TENM3: variants seen among roughly 807,000 people sequenced by gnomAD.
TENM3 encodes the protein teneurin-3.
Under a neutral mutation model 255.1 loss-of-function variants are expected in TENM3, and 63 were observed. That is an observed-to-expected ratio of 0.25 (90% CI 0.20 to 0.30). The LOEUF (loss-of-function observed/expected upper bound fraction) is 0.30, where lower values mean the gene tolerates loss of function less well. Among genes scored for constraint, TENM3 ranks in the 10% least tolerant of loss-of-function variants. TENM3 has a pLI of 1.00. For missense variants in TENM3, 2,929 were observed against 3,461.1 expected (o/e 0.85, Z 3.86); for synonymous variants, 1,306 against 1,322.3 (o/e 0.99, Z 0.27).
At chr4:181,964,879 T>C in the TENM3 span, among the ~76,000 whole-genome samples, 1 of 152,074 alleles carries the variant, frequency 6.6e-6, no homozygotes, top group African/African-American at 2.4e-5. Flanking sequence ...TCCAGGAGTG[T>C]CTATTTGGAA....
intron 1 of TENM3, among the ~76,000 whole-genome samples, chr4:182,223,524 C>T (rs1179237322): frequency 6.6e-6 from 1 of 152,126 alleles, no homozygotes; most frequent in Non-Finnish European, 1.5e-5. Flanking sequence ...TACATGCTTA[C>T]ACCTTACAGT....
the TENM3 span, among the ~76,000 whole-genome samples, chr4:182,027,778 C>A: frequency 6.6e-6 from 1 of 151,778 alleles, no homozygotes; most frequent in African/African-American, 2.4e-5. Context: ...GATTGATGTG[C>A]ATATGCTGAG....
rs1364506202 is a variant in TENM3, at chr4:182,799,386, G to A, written c.7345-210G>A. Reference sequence around the variant, plus strand: ...CTTTAAAGTGATCCACGATGAGTGAGCCATTTGGGGGTTCCAGAGCATCGG... The same window carrying A: ...CTTTAAAGTGATCCACGATGAGTGAACCATTTGGGGGTTCCAGAGCATCGG... On this transcript the variant is annotated intron_variant, in intron 27 of 27. Transcript: ENST00000511685. The surrounding 1 kb of genome is among the most constrained non-coding windows in gnomAD (Gnocchi z 4.2). Among the ~76,000 whole-genome samples the A allele has an allele frequency of 6.6e-6, 1 of 152,206 alleles. No individual in the cohort carries two copies. Among genetic ancestry groups the A allele is most frequent in the East Asian group, 1.9e-4 (1 of 5,184 alleles).
the TENM3 span, among the ~76,000 whole-genome samples, chr4:181,897,732 G>GACACA: frequency 4.6e-5 from 7 of 152,172 alleles, no homozygotes; most frequent in Non-Finnish European, 8.8e-5. Context: ...CAGTTTTTAT[G>GACACA]CTGGCCAGTG....
At chr4:182,228,556 G>C (rs1756352298) in intron 1 of TENM3, among the ~76,000 whole-genome samples, 1 of 151,836 alleles carries the variant, frequency 6.6e-6, no homozygotes, top group Non-Finnish European at 1.5e-5. Flanking sequence ...CCGGTTCAAA[G>C]AGGAGCATGA....
chr4:181,671,257 T>A, the TENM3 span, among the ~76,000 whole-genome samples: 2 of 152,150 alleles, frequency 1.3e-5, no homozygotes, highest in Admixed American at 1.3e-4. Flanking sequence ...CTAAAGTTTG[T>A]CATGAATAAA....
chr4:182,053,988 C>T, the TENM3 span, among the ~76,000 whole-genome samples: 3 of 152,270 alleles, frequency 2.0e-5, no homozygotes, highest in East Asian at 1.9e-4. Flanking sequence ...AGGTTGAAGA[C>T]ATAAGATGAT....
the TENM3 span, among the ~76,000 whole-genome samples, chr4:181,935,700 A>G: frequency 6.6e-6 from 1 of 152,060 alleles, no homozygotes; most frequent in African/African-American, 2.4e-5. Context: ...AGGCCTTCCA[A>G]ACTTACCTCC....
the TENM3 span, among the ~76,000 whole-genome samples, chr4:181,586,735 G>A: frequency 1.3e-4 from 20 of 152,220 alleles, no homozygotes; most frequent in East Asian, 3.3e-3. Flanking sequence ...AGCTACTCGG[G>A]AGGCCAAGGC....
At chr4:182,601,186 G>A (rs1747813774) in intron 4 of TENM3, 25 bp downstream of exon 4, 1 of 1,585,144 alleles carries the variant, frequency 6.3e-7, no homozygotes, top group African/African-American at 1.3e-5. Context: ...TTCAAAATAA[G>A]CTAGCCCAAC....
the TENM3 span, among the ~76,000 whole-genome samples, chr4:181,567,516 T>A: frequency 6.6e-6 from 1 of 152,208 alleles, no homozygotes. Flanking sequence ...TAAGCAATAC[T>A]AACTTTCCTC....
At chr4:181,571,543 G>T in the TENM3 span, among the ~76,000 whole-genome samples, 12 of 152,064 alleles carry the variant, frequency 7.9e-5, no homozygotes, top group African/African-American at 2.9e-4. Context: ...TCTCCATATT[G>T]CCCAGGCTGG....
the TENM3 span, among the ~76,000 whole-genome samples, chr4:181,806,312 C>T: frequency 2.0e-5 from 3 of 152,186 alleles, no homozygotes; most frequent in Non-Finnish European, 4.4e-5. Context: ...TTGAGACAGA[C>T]TGGATCTTAA....
rs571603610 is a variant in TENM3 at position 182,346,440 on chromosome 4, G to T, written c.233-211G>T. 1.1e-3 allele frequency among the ~76,000 whole-genome samples: 163 copies of T among 152,176 alleles called. 2 individuals carry two copies. Among genetic ancestry groups the T allele is most frequent in the African/African-American group, 3.9e-3 (162 of 41,520 alleles). On this transcript the variant is annotated intron_variant, in intron 2 of 27. Transcript: ENST00000511685. ...ATGGGCTTAAAGAGTTGACAAAGGA[G>T]CTCTAAGTTGGGGCCCCGCCCTCCT...
chr4:181,717,897 C>T, the TENM3 span, among the ~76,000 whole-genome samples: 10 of 152,182 alleles, frequency 6.6e-5, no homozygotes, highest in East Asian at 1.9e-4. Flanking sequence ...TATACCTTCG[C>T]GGGATAACAT....
intron 1 of TENM3, among the ~76,000 whole-genome samples, chr4:182,199,169 A>G (rs1407299105): frequency 6.6e-6 from 1 of 152,150 alleles, no homozygotes; most frequent in Non-Finnish European, 1.5e-5. Context: ...CTGAAGAATC[A>G]TTGCACATTT....
chr4:182,551,136 C>T (rs913270022), intron 3 of TENM3, among the ~76,000 whole-genome samples: 53 of 150,064 alleles, frequency 3.5e-4, no homozygotes, highest in Middle Eastern at 3.5e-3. Flanking sequence ...GCAGGAGGAT[C>T]GCTTGAACCC....
rs1400688218 is a variant in TENM3, at chr4:182,773,838, G to GAT, written c.5068+193_5068+194dup. 6 of 453,474 alleles carry GAT rather than the reference G, an allele frequency of 1.3e-5. No individual in the cohort carries two copies. The Admixed American group carries it at 2.5e-4, about 19-fold the overall frequency. 28.1% of individuals were successfully genotyped at this position (453,474 alleles called of 1,614,324 possible). On this transcript the variant is annotated intron_variant, in intron 23 of 27. Coordinates refer to ENST00000511685, the MANE Select transcript of TENM3 (RefSeq NM_001080477.4). ...AGACATATTTTAAAACCACATATAAGATAATCTGTCATCCTTGGAATAGTG... is the reference window on the plus strand; with the variant it reads ...AGACATATTTTAAAACCACATATAAGATATAATCTGTCATCCTTGGAATAGTG...
At chr4:182,329,750 A>G (rs139568759) in intron 2 of TENM3, among the ~76,000 whole-genome samples, 17 of 152,324 alleles carry the variant, frequency 1.1e-4, no homozygotes, top group African/African-American at 3.8e-4. Context: ...AATTAAAATC[A>G]TAATTTACAA....
Sources: gnomAD v4.1 joint callset for allele counts (sites outside exome capture counted in the v4.1 genomes callset) on GRCh38, gnomAD v4.1.1 for gene constraint, Gnocchi (gnomAD v3.1) non-coding constraint, MANE v1.5 for transcripts, NCBI Gene and HGNC (gene_info 2026-07-23, HGNC 2026-07-21) for gene names.